CTIF: variants seen among roughly 807,000 people sequenced by gnomAD.
CTIF encodes cap binding complex dependent translation initiation factor, also known as CBP80/20-dependent translation initiation factor.
In CTIF, 21 loss-of-function variants were observed where a neutral mutation model predicts 66.0. That is an observed-to-expected ratio of 0.32 (90% CI 0.23 to 0.46). The LOEUF is 0.46. CTIF is among the 20% of genes least tolerant of loss of function. CTIF has a pLI of 1.00. For missense variants in CTIF, 739 were observed against 812.7 expected, an observed-to-expected ratio of 0.91 and a Z score of 1.10; for synonymous variants, 345 against 326.4, an observed-to-expected ratio of 1.06 and a Z score of -0.62.
chr18:48,830,258 A>G (rs2068662088), intron 10 of CTIF, among the ~76,000 whole-genome samples: 1 of 152,162 alleles, frequency 6.6e-6, no homozygotes, highest in Non-Finnish European at 1.5e-5. Context: ...TCCGCCTGCC[A>G]GAGTCAAGGA....
At chr18:48,570,710 T>C (rs550534749) in intron 1 of CTIF, among the ~76,000 whole-genome samples, 1 of 152,128 alleles carries the variant, frequency 6.6e-6, no homozygotes, top group East Asian at 1.9e-4. Context: ...GGGAGAGGCG[T>C]GCTTAAGGCA....
chr18:48,803,540 C>T (rs962862352), intron 9 of CTIF, among the ~76,000 whole-genome samples: 5 of 152,138 alleles, frequency 3.3e-5, no homozygotes, highest in East Asian at 3.8e-4. Flanking sequence ...GACAGCCACC[C>T]GATGGTCCTA....
chr18:48,832,940 G>A (rs1050981209), intron 10 of CTIF, among the ~76,000 whole-genome samples: 1 of 152,212 alleles, frequency 6.6e-6, no homozygotes, highest in African/African-American at 2.4e-5. Flanking sequence ...AGTCTGGGGG[G>A]CGGAGGTGGT....
rs1392976526 is a variant in CTIF, at chr18:48,748,315, A to T, written c.585-9604A>T. On this transcript the variant is annotated intron_variant, in intron 7 of 11. Coordinates refer to ENST00000256413, the MANE Select transcript of CTIF (RefSeq NM_014772.3). Reference sequence around the variant, plus strand: ...TGTGTGCCCCCAGCAGGTGGGGGCCACTCAGTGTTTGTTAAATCTGAGTAC... The same window carrying T: ...TGTGTGCCCCCAGCAGGTGGGGGCCTCTCAGTGTTTGTTAAATCTGAGTAC... 2.0e-5 allele frequency among the ~76,000 whole-genome samples: 3 copies of T among 151,938 alleles called. No individual in the cohort carries two copies. In the East Asian group the frequency reaches 5.8e-4, roughly 29 times the overall value.
Position 48,637,562 on chromosome 18 carries a change from CTCATGTTCAGCTTCAGTCCACTTAA to C in CTIF, c.252+892_252+916del, listed in dbSNP as rs900569275. On this transcript the variant is annotated intron_variant, in intron 3 of 11. Transcript: ENST00000256413. ...TCATGGGTTGCCCTGGGCCTGCTTG[CTCATGTTCAGCTTCAGTCCACTTAA>C]TCATGTTCAGCTTCGGTCTCCTGGC... 5.3e-5 allele frequency among the ~76,000 whole-genome samples: 8 copies of C among 152,314 alleles called. No individual in the cohort carries two copies. The East Asian group carries it at 9.7e-4, about 18-fold the overall frequency.
chr18:48,754,746 C>T (rs539537798), intron 7 of CTIF, among the ~76,000 whole-genome samples: 58 of 152,374 alleles, frequency 3.8e-4, no homozygotes, highest in African/African-American at 5.8e-4. Flanking sequence ...AGCCTGAGAA[C>T]GCCCACTAAT....
intron 7 of CTIF, among the ~76,000 whole-genome samples, chr18:48,720,896 G>C (rs773854178): frequency 3.3e-5 from 5 of 152,170 alleles, no homozygotes; most frequent in South Asian, 2.1e-4. Context: ...ACCTTCCCCC[G>C]ATCCCCATGC....
At chr18:48,629,225 C>T (rs1229189621) in intron 2 of CTIF, among the ~76,000 whole-genome samples, 5 of 152,176 alleles carry the variant, frequency 3.3e-5, no homozygotes, top group Non-Finnish European at 5.9e-5. Flanking sequence ...GCCTGTGGAC[C>T]CCCAAAATCC....
chr18:48,588,896 CCTCAGCCACACA>C (rs1286404499), intron 1 of CTIF, among the ~76,000 whole-genome samples: 1 of 132,316 alleles, frequency 7.6e-6, no homozygotes, highest in Non-Finnish European at 1.7e-5. Context: ...TCTGCCACCT[CCTCAGCCACACA>C]GTGGCTGAGG....
intron 3 of CTIF, among the ~76,000 whole-genome samples, chr18:48,648,754 C>T (rs2091100390): frequency 1.3e-5 from 2 of 152,188 alleles, no homozygotes; most frequent in Non-Finnish European, 2.9e-5. Context: ...TAGTGTCTCT[C>T]ATATATTCCA....
At chr18:48,853,209 CG>C (rs1213573337) in intron 10 of CTIF, among the ~76,000 whole-genome samples, 2 of 152,100 alleles carry the variant, frequency 1.3e-5, no homozygotes, top group Non-Finnish European at 2.9e-5. Context: ...CCTTCTAGAG[CG>C]GGGAGACGGG....
chr18:48,768,182 A>G (rs1266414397), intron 9 of CTIF, among the ~76,000 whole-genome samples: 1 of 152,196 alleles, frequency 6.6e-6, no homozygotes, highest in East Asian at 1.9e-4. Context: ...CCCCTTTGTC[A>G]GAAGTTTGAA....
At chr18:48,746,846 T>C (rs1245974672) in intron 7 of CTIF, among the ~76,000 whole-genome samples, 1 of 152,058 alleles carries the variant, frequency 6.6e-6, no homozygotes. Context: ...ACTGCTGGTG[T>C]CTCTACTCTT....
intron 9 of CTIF, among the ~76,000 whole-genome samples, chr18:48,792,560 CTG>C (rs1229047189): frequency 2.3e-4 from 35 of 152,268 alleles, no homozygotes; most frequent in Admixed American, 1.2e-3. Context: ...ATCCACAAAT[CTG>C]TTGAGTAAAT....
chr18:48,842,309 G>A (rs569558257), intron 10 of CTIF, among the ~76,000 whole-genome samples: 2 of 152,252 alleles, frequency 1.3e-5, no homozygotes, highest in Admixed American at 6.5e-5. Flanking sequence ...ACCAGGCCTC[G>A]CTCAGCCCCG....
intron 5 of CTIF, among the ~76,000 whole-genome samples, chr18:48,668,980 G>C (rs896759013): frequency 3.9e-5 from 6 of 152,140 alleles, no homozygotes; most frequent in Non-Finnish European, 5.9e-5. Context: ...AATGGGGCTT[G>C]GGTTAGCCCC....
chr18:48,619,792 G>A (rs770507427), intron 2 of CTIF, 47 bp downstream of exon 2: 2 of 1,447,618 alleles, frequency 1.4e-6, no homozygotes, highest in African/African-American at 1.4e-5. Flanking sequence ...TTCAGAGGGG[G>A]TGATGCAGGA....
At chr18:48,772,709 C>T (rs1200091695) in intron 9 of CTIF, among the ~76,000 whole-genome samples, 2 of 152,164 alleles carry the variant, frequency 1.3e-5, no homozygotes, top group Non-Finnish European at 2.9e-5. Flanking sequence ...TATGTCTATA[C>T]CACATTTTGT....
At chr18:48,564,177 T>C (rs1209045600) in intron 1 of CTIF, among the ~76,000 whole-genome samples, 1 of 152,204 alleles carries the variant, frequency 6.6e-6, no homozygotes, top group Non-Finnish European at 1.5e-5. Flanking sequence ...GGGCAAGGAC[T>C]TAGGCATCGG....
Sources: allele counts gnomAD v4.1 joint callset (sites outside exome capture counted in the v4.1 genomes callset), GRCh38; gene constraint gnomAD v4.1.1; transcripts MANE v1.5; gene names NCBI Gene and HGNC (gene_info 2026-07-23, HGNC 2026-07-21).